Variants in NOVA1 observed in about 807,000 individuals in gnomAD.
The protein encoded by NOVA1 is NOVA alternative splicing regulator 1, also known as RNA-binding protein Nova-1.
Under a neutral mutation model 38.0 loss-of-function variants are expected in NOVA1, and 7 were observed. The ratio of observed to expected loss-of-function variants is 0.18; its 90% CI spans 0.10 to 0.35. NOVA1 has a LOEUF of 0.35. NOVA1 is among the 10% of genes least tolerant of loss of function. The pLI, the probability that NOVA1 is intolerant of heterozygous loss-of-function variation, is 1.00. For missense variants in NOVA1, 460 were observed against 616.0 expected, an observed-to-expected ratio of 0.75 and a Z score of 2.68; for synonymous variants, 270 against 232.5, an observed-to-expected ratio of 1.16 and a Z score of -1.47.
At chr14:26,551,931 A>G (rs1385802792) in intron 2 of NOVA1, among the ~76,000 whole-genome samples, 1 of 152,090 alleles carries the variant, frequency 6.6e-6, no homozygotes, top group Non-Finnish European at 1.5e-5. Context: ...AGTATTATAA[A>G]ACAGTGTATG....
intron 2 of NOVA1, among the ~76,000 whole-genome samples, chr14:26,515,537 G>T (rs1888400798): frequency 6.6e-6 from 1 of 151,816 alleles, no homozygotes; most frequent in Admixed American, 6.6e-5. Context: ...TTTAATAAAA[G>T]ACCAGACTCA....
chr14:26,527,139 C>A (rs1430855240), intron 2 of NOVA1, among the ~76,000 whole-genome samples: 1 of 152,162 alleles, frequency 6.6e-6, no homozygotes, highest in African/African-American at 2.4e-5. Flanking sequence ...TAGGTGAAGT[C>A]ATGAGCTATG....
intron 4 of NOVA1, among the ~76,000 whole-genome samples, chr14:26,460,338 T>C: frequency 6.6e-6 from 1 of 151,960 alleles, no homozygotes; most frequent in East Asian, 1.9e-4. Context: ...CTGAAACACA[T>C]CTGCCATTTA....
At chr14:26,550,488 T>G (rs1475363357) in intron 2 of NOVA1, among the ~76,000 whole-genome samples, 1 of 152,176 alleles carries the variant, frequency 6.6e-6, no homozygotes, top group Non-Finnish European at 1.5e-5. Context: ...TCAACCAAGT[T>G]TGAGATCACT....
chr14:26,500,562 G>A (rs1887178189), intron 2 of NOVA1, among the ~76,000 whole-genome samples: 1 of 151,872 alleles, frequency 6.6e-6, no homozygotes, highest in Non-Finnish European at 1.5e-5. Context: ...TTTAAGAAGA[G>A]TGTAGCTGAG....
intron 2 of NOVA1, among the ~76,000 whole-genome samples, chr14:26,505,782 C>A (rs187871074): frequency 1.4e-3 from 215 of 152,196 alleles, no homozygotes; most frequent in African/African-American, 4.9e-3. Flanking sequence ...TCATGTGTTA[C>A]TTGAGATTCA....
chr14:26,579,363 C>G (rs371380480), intron 2 of NOVA1, among the ~76,000 whole-genome samples: 36 of 152,140 alleles, frequency 2.4e-4, no homozygotes, highest in African/African-American at 7.9e-4. Flanking sequence ...CCATCGTATT[C>G]TTATATATTC....
chr14:26,572,091 T>C (rs1892517157), intron 2 of NOVA1, among the ~76,000 whole-genome samples: 2 of 152,148 alleles, frequency 1.3e-5, no homozygotes, highest in Admixed American at 1.3e-4. Flanking sequence ...TGTTTAATAA[T>C]CAAAATGAAT....
At chr14:26,555,500 T>C (rs1041061307) in intron 2 of NOVA1, among the ~76,000 whole-genome samples, 1 of 152,126 alleles carries the variant, frequency 6.6e-6, no homozygotes, top group Non-Finnish European at 1.5e-5. Flanking sequence ...TCATTCCTTC[T>C]CAGAGGTACA....
chr14:26,537,564 A>G (rs1229411854), intron 2 of NOVA1, among the ~76,000 whole-genome samples: 2 of 152,160 alleles, frequency 1.3e-5, no homozygotes. Context: ...AAAGAACACA[A>G]GTATAAGATT....
At chr14:26,580,829 A>C (rs1210958504) in intron 2 of NOVA1, among the ~76,000 whole-genome samples, 1 of 152,046 alleles carries the variant, frequency 6.6e-6, no homozygotes. Flanking sequence ...AAACACTTCA[A>C]TTGTTAAAAA....
chr14:26,571,394 T>C (rs1283000403), intron 2 of NOVA1, among the ~76,000 whole-genome samples: 1 of 152,204 alleles, frequency 6.6e-6, no homozygotes, highest in Non-Finnish European at 1.5e-5. Context: ...CTTAAATTAA[T>C]ACTTAGATAT....
At chr14:26,451,217 T>C (rs982742935) in intron 4 of NOVA1, among the ~76,000 whole-genome samples, 1 of 152,152 alleles carries the variant, frequency 6.6e-6, no homozygotes, top group Admixed American at 6.5e-5. Context: ...TTCACAGTTT[T>C]TTTCTTTTTA....
At chr14:26,480,253 C>T (rs963748286) in intron 2 of NOVA1, 110 bp from the exon 3 acceptor site, 6 of 854,666 alleles carry the variant, frequency 7.0e-6, no homozygotes, top group African/African-American at 1.7e-5. Flanking sequence ...AGAACTCTAA[C>T]GTAAAACATT....
intron 2 of NOVA1, among the ~76,000 whole-genome samples, chr14:26,525,943 G>A (rs561869502): frequency 6.6e-6 from 1 of 152,084 alleles, no homozygotes; most frequent in Non-Finnish European, 1.5e-5. Flanking sequence ...AAAATCAAAT[G>A]TGTTATTAAA....
intron 4 of NOVA1, among the ~76,000 whole-genome samples, chr14:26,449,692 T>C (rs1052471594): frequency 1.3e-5 from 2 of 152,154 alleles, no homozygotes; most frequent in African/African-American, 4.8e-5. Flanking sequence ...ACTATCTATA[T>C]TTGTAAAATA....
intron 2 of NOVA1, among the ~76,000 whole-genome samples, chr14:26,495,002 C>G (rs1333504198): frequency 6.6e-6 from 1 of 152,166 alleles, no homozygotes; most frequent in Admixed American, 6.5e-5. Flanking sequence ...CTGCTGAGCT[C>G]TCGTCAGTCC....
At chr14:26,573,237 T>A (rs776046693) in intron 2 of NOVA1, among the ~76,000 whole-genome samples, 6 of 152,104 alleles carry the variant, frequency 3.9e-5, no homozygotes, top group Non-Finnish European at 7.4e-5. Context: ...AAGAGGATGA[T>A]GGTTACATGA....
chr14:26,594,535 A>C (rs1406292562), intron 2 of NOVA1: 1 of 152,052 alleles, frequency 6.6e-6, no homozygotes, highest in Non-Finnish European at 1.5e-5. Context: ...AAATCACAGA[A>C]AGCTAGATTT....
Sources: allele counts gnomAD v4.1 joint callset (sites outside exome capture counted in the v4.1 genomes callset), GRCh38; gene constraint gnomAD v4.1.1; transcripts MANE v1.5; gene names NCBI Gene and HGNC (gene_info 2026-07-23, HGNC 2026-07-21).